PLCL1: variants seen among roughly 807,000 people sequenced by gnomAD.
PLCL1 encodes phospholipase C like 1 (inactive).
In PLCL1, 41 loss-of-function variants were observed where a neutral mutation model predicts 84.4. That is an observed-to-expected ratio of 0.49 (90% CI 0.38 to 0.63). The LOEUF (loss-of-function observed/expected upper bound fraction) is 0.63. PLCL1 is among the 30% of genes least tolerant of loss of function. The pLI, the probability that PLCL1 is intolerant of heterozygous loss-of-function variation, is 0.00. For synonymous variants in PLCL1, 490 were observed against 488.3 expected (o/e 1.00, Z -0.05); for missense variants, 1,206 against 1,367.8 (o/e 0.88, Z 1.87).
At chr2:197,828,177 C>A (rs1027678530) in intron 1 of PLCL1, among the ~76,000 whole-genome samples, 2 of 151,982 alleles carry the variant, frequency 1.3e-5, no homozygotes, top group Admixed American at 6.6e-5. Context: ...TTGTAAATAT[C>A]AGTATTTCAC....
At chr2:197,816,104 T>G (rs898746844) in intron 1 of PLCL1, among the ~76,000 whole-genome samples, 3 of 152,174 alleles carry the variant, frequency 2.0e-5, no homozygotes, top group African/African-American at 7.2e-5. Context: ...CATTTTTCAC[T>G]AAAGAGTCAA....
intron 1 of PLCL1, among the ~76,000 whole-genome samples, chr2:197,905,087 C>G (rs376458588): frequency 6.6e-6 from 1 of 151,948 alleles, no homozygotes; most frequent in Non-Finnish European, 1.5e-5. Flanking sequence ...TTTTAAAATT[C>G]TTTTATTATA....
At chr2:197,829,779 C>G (rs1006862485) in intron 1 of PLCL1, among the ~76,000 whole-genome samples, 2 of 152,304 alleles carry the variant, frequency 1.3e-5, no homozygotes, top group African/African-American at 4.8e-5. Flanking sequence ...TGGCCTTGGT[C>G]TCTTCTGCTG....
chr2:197,845,244 CT>C (rs1448652620), intron 1 of PLCL1, among the ~76,000 whole-genome samples: 3 of 152,038 alleles, frequency 2.0e-5, no homozygotes, highest in African/African-American at 7.2e-5. Flanking sequence ...GTCAAAGATT[CT>C]ACAAGTTTGA....
chr2:198,129,208 C>CT (rs954765943), intron 5 of PLCL1, among the ~76,000 whole-genome samples: 1 of 152,124 alleles, frequency 6.6e-6, no homozygotes, highest in African/African-American at 2.4e-5. Flanking sequence ...CTTTCCAGGT[C>CT]TTTTTCTGAT....
At chr2:197,892,006 C>T (rs1437166848) in intron 1 of PLCL1, among the ~76,000 whole-genome samples, 1 of 152,138 alleles carries the variant, frequency 6.6e-6, no homozygotes, top group Admixed American at 6.5e-5. Context: ...GCTTTATGAT[C>T]TTAAGACTTC....
chr2:198,112,446 A>T (rs1332256118), intron 5 of PLCL1, among the ~76,000 whole-genome samples: 1 of 151,998 alleles, frequency 6.6e-6, no homozygotes, highest in Non-Finnish European at 1.5e-5. Context: ...CCATTTCTTG[A>T]TGGGACAGAG....
At chr2:197,846,278 GA>G (rs958090547) in intron 1 of PLCL1, among the ~76,000 whole-genome samples, 1 of 152,014 alleles carries the variant, frequency 6.6e-6, no homozygotes, top group African/African-American at 2.4e-5. Context: ...GCTAATAAGA[GA>G]AAACAATCAG....
At chr2:197,841,880 T>G (rs1687010621) in intron 1 of PLCL1, among the ~76,000 whole-genome samples, 1 of 152,220 alleles carries the variant, frequency 6.6e-6, no homozygotes, top group African/African-American at 2.4e-5. Flanking sequence ...CTGAGACCCT[T>G]GCAATTGATT....
chr2:198,098,311 T>C lies in PLCL1; in HGVS notation c.2920-2974T>C, dbSNP rs1278645927. On this transcript the variant is annotated intron_variant, in intron 3 of 5. Transcript: ENST00000428675. ...ACTCAAGTAAATACATTTCTTCCTA[T>C]GTTTCATATGAAAAAATGTTTATCA... Among the ~76,000 whole-genome samples the C allele has an allele frequency of 1.3e-5, 2 of 152,324 alleles. 1 individual carries two copies. The highest frequency in any genetic ancestry group is 4.8e-5 in the African/African-American group (2 of 41,592).
chr2:197,894,980 G>A (rs575044132), intron 1 of PLCL1, among the ~76,000 whole-genome samples: 88 of 151,958 alleles, frequency 5.8e-4, no homozygotes, highest in African/African-American at 2.1e-3. Flanking sequence ...ACAACACCAT[G>A]GCTTGTTGAA....
At chr2:198,027,568 C>T (rs1691301086) in intron 1 of PLCL1, among the ~76,000 whole-genome samples, 1 of 151,946 alleles carries the variant, frequency 6.6e-6, no homozygotes, top group Non-Finnish European at 1.5e-5. Context: ...TCAGCCATTT[C>T]ACAATATGTT....
At chr2:197,806,769 A>G (rs1335315422) in intron 1 of PLCL1, among the ~76,000 whole-genome samples, 1 of 150,534 alleles carries the variant, frequency 6.6e-6, no homozygotes, top group Non-Finnish European at 1.5e-5. Context: ...TTGATACTAC[A>G]TGGTGTCCTG....
In PLCL1 at chr2:198,148,763, A is replaced by G. The variant is rs1248412129; in HGVS notation, c.*1801A>G. On this transcript the variant is annotated 3_prime_UTR_variant, in exon 6 of 6. Transcript: ENST00000428675. Reference sequence around the variant, plus strand: ...GTTGATTTTACTAGTGTACCTCTTCATCTACTTGAATTCTATTTGGTAAAT... The same window carrying G: ...GTTGATTTTACTAGTGTACCTCTTCGTCTACTTGAATTCTATTTGGTAAAT... 1.3e-5 allele frequency: 2 copies of G among 152,342 alleles called. No individual in the cohort carries two copies. Among genetic ancestry groups the G allele is most frequent in the Non-Finnish European group, 2.9e-5 (2 of 68,038 alleles). The allele number at this position is 152,342 out of a possible 1,614,324, so 9.4% of individuals were successfully genotyped here.
intron 1 of PLCL1, among the ~76,000 whole-genome samples, chr2:197,848,514 C>T (rs1046425102): frequency 6.6e-6 from 1 of 151,950 alleles, no homozygotes; most frequent in Non-Finnish European, 1.5e-5. Context: ...AAGGACTAGG[C>T]CGAGGTAGTT....
chr2:197,897,199 T>C (rs1404551048), intron 1 of PLCL1, among the ~76,000 whole-genome samples: 1 of 10,112 alleles, frequency 9.9e-5, no homozygotes, highest in Non-Finnish European at 1.9e-4. Context: ...CTCCTTCTCC[T>C]TCTTCTTTCT....
intron 1 of PLCL1, among the ~76,000 whole-genome samples, chr2:197,953,851 G>A (rs562901995): frequency 6.8e-6 from 1 of 146,454 alleles, no homozygotes; most frequent in East Asian, 2.0e-4. Context: ...GTATTCCAGA[G>A]TTTTTTTTTT....
At chr2:197,831,820 C>T (rs533322414) in intron 1 of PLCL1, among the ~76,000 whole-genome samples, 10 of 152,272 alleles carry the variant, frequency 6.6e-5, no homozygotes, top group South Asian at 2.1e-4. Context: ...GAAACAGTCA[C>T]GCAGACCACA....
rs1375754575 is a variant in PLCL1 at position 197,983,195 on chromosome 2, CTTTTCTTTTTTTTT to C, written c.241-100558_241-100545del. Among the ~76,000 whole-genome samples the C allele has an allele frequency of 6.6e-3, 339 of 51,544 alleles. 3 individuals are homozygous for C. The highest frequency in any genetic ancestry group is 0.018 in the African/African-American group (275 of 15,082). The allele number at this position is 51,544 out of a possible 152,430, so 33.8% of individuals were successfully genotyped here. On this transcript the variant is annotated intron_variant, in intron 1 of 5. Transcript: ENST00000428675. ...TCTTTTTTCTTTTTCTTTTTCTTTTCTTTTCTTTTTTTTTTTTTTTTTTTTTTTTTTTTTTTTTT... is the reference window on the plus strand; with the variant it reads ...TCTTTTTTCTTTTTCTTTTTCTTTTCTTTTTTTTTTTTTTTTTTTTTTTTT...
Sources: gnomAD v4.1 joint callset for allele counts (sites outside exome capture counted in the v4.1 genomes callset) on GRCh38, gnomAD v4.1.1 for gene constraint, MANE v1.5 for transcripts, NCBI Gene and HGNC (gene_info 2026-07-23, HGNC 2026-07-21) for gene names.